Variants in STPG2 observed in about 807,000 individuals in gnomAD.
The protein encoded by STPG2 is sperm tail PG-rich repeat containing 2.
Under a neutral mutation model 54.2 loss-of-function variants are expected in STPG2, and 56 were observed. The ratio of observed to expected loss-of-function variants is 1.03; its 90% confidence interval spans 0.83 to 1.29. The LOEUF is 1.29. Ranked by LOEUF, STPG2 falls within the 50% of genes most tolerant of loss-of-function variation. STPG2 has a pLI of 0.00. For missense variants in STPG2, 596 were observed against 544.9 expected (o/e 1.09, Z -0.93); for synonymous variants, 200 against 181.8 (o/e 1.10, Z -0.81).
At chr4:97,606,710 T>C (rs1277893772) in intron 10 of STPG2, among the ~76,000 whole-genome samples, 3 of 151,964 alleles carry the variant, frequency 2.0e-5, no homozygotes, top group African/African-American at 7.2e-5. Context: ...GAATTGTTAA[T>C]GATGGTGATT....
At chr4:98,103,919 C>T (rs377728510) in intron 5 of STPG2, among the ~76,000 whole-genome samples, 38 of 152,194 alleles carry the variant, frequency 2.5e-4, no homozygotes, top group African/African-American at 3.1e-4. Context: ...AGTATCTCTA[C>T]CCATAATTTC....
intron 9 of STPG2, among the ~76,000 whole-genome samples, chr4:97,788,285 GT>G (rs1198478639): frequency 6.6e-6 from 1 of 151,912 alleles, no homozygotes; most frequent in African/African-American, 2.4e-5. Flanking sequence ...GAATTCAATT[GT>G]TTTAATGTTT....
intron 10 of STPG2, among the ~76,000 whole-genome samples, chr4:97,654,798 T>C (rs957241841): frequency 1.4e-5 from 2 of 147,380 alleles, no homozygotes; most frequent in Non-Finnish European, 1.5e-5. Flanking sequence ...TTGTTTACAA[T>C]AGTAAAAAAA....
chr4:97,664,995 T>G (rs1309528125), intron 10 of STPG2, among the ~76,000 whole-genome samples: 1 of 151,944 alleles, frequency 6.6e-6, no homozygotes, highest in African/African-American at 2.4e-5. Context: ...CCTGCATGAG[T>G]GCTGGCTCCC....
At chr4:98,097,346 A>G (rs1738891183) in intron 5 of STPG2, among the ~76,000 whole-genome samples, 1 of 152,220 alleles carries the variant, frequency 6.6e-6, no homozygotes, top group Non-Finnish European at 1.5e-5. Context: ...TGCATGTGAT[A>G]CCTCATAGCA....
intron 10 of STPG2, among the ~76,000 whole-genome samples, chr4:97,592,777 A>G (rs12649979): frequency 0.67 from 101,578 of 151,856 alleles, 34,904 homozygotes; most frequent in African/African-American, 0.83. Flanking sequence ...TAAATAGGCA[A>G]GATGATCCCC....
chr4:97,743,511 AC>A (rs1725330862), intron 9 of STPG2, among the ~76,000 whole-genome samples: 1 of 151,706 alleles, frequency 6.6e-6, no homozygotes, highest in Non-Finnish European at 1.5e-5. Context: ...AAATTGAATC[AC>A]CTGTCAATAG....
At chr4:98,014,819 T>G (rs1035212150) in intron 5 of STPG2, among the ~76,000 whole-genome samples, 4 of 152,194 alleles carry the variant, frequency 2.6e-5, no homozygotes, top group Admixed American at 6.5e-5. Context: ...CCATAATTTT[T>G]GCTCACCTGG....
intron 9 of STPG2, among the ~76,000 whole-genome samples, chr4:97,783,591 T>C (rs1217093737): frequency 1.3e-5 from 2 of 152,184 alleles, no homozygotes; most frequent in African/African-American, 4.8e-5. Context: ...ACCCAAAGGA[T>C]TATAAATCAT....
At chr4:97,740,344 G>T (rs78437918) in intron 9 of STPG2, among the ~76,000 whole-genome samples, 1 of 151,988 alleles carries the variant, frequency 6.6e-6, no homozygotes, top group Non-Finnish European at 1.5e-5. Context: ...ATTCAACATA[G>T]TGTTGGAAGT....
intron 8 of STPG2, among the ~76,000 whole-genome samples, chr4:97,859,466 C>CT (rs70953089): frequency 0.011 from 1,424 of 129,060 alleles, 8 homozygotes; most frequent in South Asian, 0.025. Context: ...CTTTTCTTTT[C>CT]TTTTTTTTTT....
chr4:98,024,778 C>T (rs899304905), intron 5 of STPG2, among the ~76,000 whole-genome samples: 7 of 152,174 alleles, frequency 4.6e-5, no homozygotes, highest in Admixed American at 2.6e-4. Context: ...CTTTCACTGG[C>T]TTTTCAGTTT....
chr4:97,908,708 C>T (rs1731551113), intron 8 of STPG2, among the ~76,000 whole-genome samples: 1 of 151,738 alleles, frequency 6.6e-6, no homozygotes, highest in African/African-American at 2.4e-5. Context: ...AGTACATGTC[C>T]TTTGTAGGGA....
chr4:98,052,590 A>C (rs553244033), intron 5 of STPG2, among the ~76,000 whole-genome samples: 1 of 152,312 alleles, frequency 6.6e-6, no homozygotes, highest in Non-Finnish European at 1.5e-5. Flanking sequence ...TACATTCTTC[A>C]CATTTAGCAC....
chr4:97,951,870 G>C (rs1733485992), intron 7 of STPG2, among the ~76,000 whole-genome samples: 1 of 152,086 alleles, frequency 6.6e-6, no homozygotes, highest in Non-Finnish European at 1.5e-5. Context: ...GTGGGTAAAT[G>C]CAATATGTAA....
At chr4:97,476,455 T>C (rs141670563) in intron 4 of STPG2, among the ~76,000 whole-genome samples, 272 of 152,290 alleles carry the variant, frequency 1.8e-3, no homozygotes, top group African/African-American at 6.4e-3. Flanking sequence ...CTTTTTGCCA[T>C]ATACATGTTA....
At chr4:97,964,436 A>C (rs966161491) in intron 7 of STPG2, among the ~76,000 whole-genome samples, 3 of 152,218 alleles carry the variant, frequency 2.0e-5, no homozygotes, top group Non-Finnish European at 2.9e-5. Flanking sequence ...GTAGAAACAC[A>C]AAACACACAG....
intron 10 of STPG2, among the ~76,000 whole-genome samples, chr4:97,638,549 G>A (rs1721644173): frequency 6.6e-6 from 1 of 151,286 alleles, no homozygotes; most frequent in African/African-American, 2.5e-5. Flanking sequence ...CCATCAGAGT[G>A]AACAGGCAAC....
At chr4:98,093,887 A>T (rs1184568934) in intron 5 of STPG2, among the ~76,000 whole-genome samples, 2 of 152,222 alleles carry the variant, frequency 1.3e-5, no homozygotes, top group Non-Finnish European at 2.9e-5. Flanking sequence ...GGAATCACCC[A>T]TCCCAGTGGT....
Sources: allele counts gnomAD v4.1 joint callset (sites outside exome capture counted in the v4.1 genomes callset), GRCh38; gene constraint gnomAD v4.1.1; transcripts MANE v1.5; gene names NCBI Gene and HGNC (gene_info 2026-07-23, HGNC 2026-07-21).